Variants in ITGB3BP observed in about 807,000 individuals in gnomAD.
The protein encoded by ITGB3BP is integrin subunit beta 3 binding protein, also known as centromere protein R.
A neutral mutation model predicts 29.1 loss-of-function variants in ITGB3BP; 27 were observed. The ratio of observed to expected loss-of-function variants is 0.93; its 90% CI spans 0.68 to 1.28. The LOEUF is 1.28. ITGB3BP is among the 50% of genes most tolerant of loss of function. The pLI, the probability that ITGB3BP is intolerant of heterozygous loss-of-function variation, is 0.00. For missense variants in ITGB3BP, 192 were observed against 200.2 expected, an observed-to-expected ratio of 0.96 and a Z score of 0.25; for synonymous variants, 61 against 61.4, an observed-to-expected ratio of 0.99 and a Z score of 0.03.
chr1:63,510,674 TG>T (rs774267128), intron 1 of ITGB3BP, among the ~76,000 whole-genome samples: 9 of 152,182 alleles, frequency 5.9e-5, no homozygotes, highest in Non-Finnish European at 1.2e-4. Flanking sequence ...GAAAACAGTT[TG>T]TGCAACTTGC....
rs796908267 is a variant in ITGB3BP, at chr1:63,472,820, C to T, written c.254+5944G>A. On this transcript the variant is annotated intron_variant, in intron 4 of 8. Transcript: ENST00000271002. Reference sequence around the variant, plus strand: ...GGAGTGCAGTGGCGTGATCTCGGCTCGCTACAACCTCCACCTCCCAGCCGC... The same window carrying T: ...GGAGTGCAGTGGCGTGATCTCGGCTTGCTACAACCTCCACCTCCCAGCCGC... 8.5e-3 allele frequency among the ~76,000 whole-genome samples: 1,287 copies of T among 151,962 alleles called. 13 individuals carry two copies. Among genetic ancestry groups the T allele is most frequent in the African/African-American group, 0.026 (1,078 of 41,510 alleles).
intron 4 of ITGB3BP, among the ~76,000 whole-genome samples, chr1:63,463,890 G>A (rs1305275694): frequency 6.6e-6 from 1 of 152,074 alleles, no homozygotes; most frequent in Non-Finnish European, 1.5e-5. Flanking sequence ...TTGATTTCAG[G>A]ACGTATTCAT....
chr1:63,527,860 GT>G (rs1646622558), upstream of ITGB3BP: 2 of 152,274 alleles, frequency 1.3e-5, no homozygotes, highest in South Asian at 4.1e-4. Flanking sequence ...GCTACCACTT[GT>G]GAGAAAAAGT....
chr1:63,482,602 G>A (rs964286155), intron 3 of ITGB3BP, among the ~76,000 whole-genome samples: 1 of 151,094 alleles, frequency 6.6e-6, no homozygotes, highest in South Asian at 2.1e-4. Flanking sequence ...AGAGTGGAGG[G>A]TAAATAACCT....
At chr1:63,443,436 G>C (rs1034148265) in intron 8 of ITGB3BP, among the ~76,000 whole-genome samples, 1 of 152,156 alleles carries the variant, frequency 6.6e-6, no homozygotes, top group Non-Finnish European at 1.5e-5. Flanking sequence ...CATGAGAAAG[G>C]CACTTTCTGG....
rs1022890133 is a variant in ITGB3BP at position 63,454,753 on chromosome 1, A to G, written c.333+137T>C. On this transcript the variant is annotated intron_variant, in intron 5 of 8. Coordinates refer to ENST00000271002, the MANE Select transcript of ITGB3BP (RefSeq NM_014288.5). This position sits in a 1 kb window ranked among gnomAD's most constrained non-coding sequence, Gnocchi z 4.1. Reference sequence around the variant, plus strand: ...TATTATGGTTAAATAGTGTTCTCCTATTAAAAAAAAAATTCCCATGAAAAG... The same window carrying G: ...TATTATGGTTAAATAGTGTTCTCCTGTTAAAAAAAAAATTCCCATGAAAAG... The G allele has an allele frequency of 4.2e-6, 2 of 476,900 alleles. No homozygotes were observed. The highest frequency in any genetic ancestry group is 4.0e-5 in the African/African-American group (2 of 50,586). 29.5% of individuals were successfully genotyped at this position (476,900 alleles called of 1,614,324 possible).
chr1:63,525,638 TCGA>T, upstream of ITGB3BP: 10 of 1,603,552 alleles, frequency 6.2e-6, no homozygotes, highest in Non-Finnish European at 8.5e-6. Flanking sequence ...CAGAGAGTCC[TCGA>T]ACAAAGAAAT....
chr1:63,470,647 C>T (rs966987538), intron 4 of ITGB3BP, among the ~76,000 whole-genome samples: 4 of 152,068 alleles, frequency 2.6e-5, no homozygotes, highest in African/African-American at 9.7e-5. Flanking sequence ...TTTGTTTATC[C>T]ATTTGACTGT....
At chr1:63,473,120 C>T (rs993270646) in intron 4 of ITGB3BP, among the ~76,000 whole-genome samples, 22 of 151,396 alleles carry the variant, frequency 1.5e-4, no homozygotes, top group Non-Finnish European at 2.8e-4. Flanking sequence ...AGCACCTCTG[C>T]CCTGCCGCCC....
At chr1:63,491,930 G>A (rs75381440) in intron 2 of ITGB3BP, among the ~76,000 whole-genome samples, 22 of 135,314 alleles carry the variant, frequency 1.6e-4, no homozygotes, top group Non-Finnish European at 2.8e-4. Flanking sequence ...TATGTATTCA[G>A]TCATAAACTA....
intron 3 of ITGB3BP, among the ~76,000 whole-genome samples, chr1:63,479,059 T>C (rs893666886): frequency 2.0e-5 from 3 of 152,128 alleles, no homozygotes; most frequent in Non-Finnish European, 2.9e-5. Context: ...AAATTTCCAC[T>C]GAAGGTTGGT....
At chr1:63,468,690 C>T (rs984542591) in intron 4 of ITGB3BP, among the ~76,000 whole-genome samples, 2 of 151,942 alleles carry the variant, frequency 1.3e-5, no homozygotes, top group Admixed American at 1.3e-4. Flanking sequence ...GGAGAAACCC[C>T]ATCTCTACTA....
Position 63,455,000 on chromosome 1 carries a change from A to AGGGGAAGCATTTAAACAT in ITGB3BP, c.255-50_255-33dup. On this transcript the variant is annotated intron_variant, in intron 4 of 8. Transcript: ENST00000271002. This position sits in a 1 kb window ranked among gnomAD's most constrained non-coding sequence, Gnocchi z 4.1. ...ATAAAGAAAAAGACAATACTTAGCA[A>AGGGGAAGCATTTAAACAT]GGGGAAGCATTTAAACATGGCAAAT... The AGGGGAAGCATTTAAACAT allele has an allele frequency of 9.3e-7, 1 of 1,075,696 alleles. No individual in the cohort carries two copies. The highest frequency in any genetic ancestry group is 1.4e-6 in the Non-Finnish European group (1 of 697,302). The allele number at this position is 1,075,696 out of a possible 1,614,324, so 66.6% of individuals were successfully genotyped here. A position where few individuals can be genotyped will look rare whatever the true frequency, so the allele number is the denominator to read the frequency against.
chr1:63,524,759 G>T (rs996749832), upstream of ITGB3BP, among the ~76,000 whole-genome samples: 2 of 152,058 alleles, frequency 1.3e-5, no homozygotes, highest in African/African-American at 2.4e-5. Flanking sequence ...GCCACTTACT[G>T]CTAGCTGGGT....
chr1:63,479,823 AT>A (rs543984040), intron 3 of ITGB3BP, among the ~76,000 whole-genome samples: 1 of 152,086 alleles, frequency 6.6e-6, no homozygotes, highest in South Asian at 2.1e-4. Context: ...TATATACCAT[AT>A]TTTCTTTATC....
At chr1:63,441,263 G>A (rs1009992009) in intron 8 of ITGB3BP, among the ~76,000 whole-genome samples, 160 bp from the exon 9 acceptor site, 10 of 152,060 alleles carry the variant, frequency 6.6e-5, no homozygotes, top group South Asian at 6.2e-4. Context: ...CTTTTGAGAC[G>A]GAGTCTCACT....
At chr1:63,471,071 T>G (rs1645187187) in intron 4 of ITGB3BP, among the ~76,000 whole-genome samples, 1 of 152,240 alleles carries the variant, frequency 6.6e-6, no homozygotes, top group African/African-American at 2.4e-5. Context: ...TCTGCTCTTG[T>G]GAAGTACCAA....
intron 1 of ITGB3BP, among the ~76,000 whole-genome samples, chr1:63,517,507 AAATT>A (rs1424651420): frequency 2.6e-5 from 4 of 152,096 alleles, no homozygotes; most frequent in African/African-American, 9.7e-5. Flanking sequence ...GTCTTATGCT[AAATT>A]ATTATATGTT....
At position 63,447,722 on chromosome 1, in the gene ITGB3BP, C is replaced by G. The variant is rs367590627; in HGVS notation, c.485-866G>C. 1,333 of 445,718 alleles carry G rather than the reference C, an allele frequency of 3.0e-3. 15 individuals carry two copies. Among genetic ancestry groups the G allele is most frequent in the South Asian group, 0.018 (1,116 of 63,224 alleles). 27.6% of individuals were successfully genotyped at this position (445,718 alleles called of 1,614,324 possible). A position where few individuals can be genotyped will look rare whatever the true frequency, so the allele number is the denominator to read the frequency against. On this transcript the variant is annotated intron_variant, in intron 7 of 8. Coordinates refer to ENST00000271002, the MANE Select transcript of ITGB3BP (RefSeq NM_014288.5). ...GTGGAGAAATAGGAACACTTTTACA[C>G]TGTTGGTGGGACTGTAAACTAGTTC...
Sources: allele counts gnomAD v4.1 joint callset (sites outside exome capture counted in the v4.1 genomes callset), GRCh38; gene constraint gnomAD v4.1.1; non-coding constraint Gnocchi (gnomAD v3.1); transcripts MANE v1.5; gene names NCBI Gene and HGNC (gene_info 2026-07-23, HGNC 2026-07-21).